The following CADM2 variants were observed in gnomAD, a reference collection of about 807,000 sequenced individuals.
CADM2 encodes the protein immunoglobulin superfamily member 4D.
Under a neutral mutation model 49.8 loss-of-function variants are expected in CADM2, and 12 were observed. The ratio of observed to expected loss-of-function variants is 0.24; its 90% confidence interval spans 0.15 to 0.39. The LOEUF is 0.39. CADM2 is among the 10% of genes least tolerant of loss of function. The pLI is 1.00. For missense variants in CADM2, 378 were observed against 492.3 expected (o/e 0.77, Z 2.20); for synonymous variants, 214 against 175.4 (o/e 1.22, Z -1.74).
intron 1 of CADM2, among the ~76,000 whole-genome samples, chr3:85,302,039 A>G: frequency 6.6e-6 from 1 of 152,112 alleles, no homozygotes; most frequent in East Asian, 1.9e-4. Flanking sequence ...AGATGTGATG[A>G]TATCAGACTG....
chr3:85,437,045 C>G (rs2036963429), intron 1 of CADM2, among the ~76,000 whole-genome samples: 1 of 149,456 alleles, frequency 6.7e-6, no homozygotes, highest in South Asian at 2.1e-4. Context: ...GATCTTTTTA[C>G]TACTGTCTTT....
At chr3:86,017,152 A>ATGTG (rs199834839) in intron 8 of CADM2, among the ~76,000 whole-genome samples, 7 of 135,340 alleles carry the variant, frequency 5.2e-5, no homozygotes, top group East Asian at 4.2e-4. Context: ...GTGTATATAT[A>ATGTG]TGTGTGTGTG....
intron 6 of CADM2, among the ~76,000 whole-genome samples, chr3:85,914,103 G>A (rs1460863903): frequency 7.9e-5 from 12 of 152,084 alleles, no homozygotes; most frequent in Admixed American, 6.6e-4. Context: ...TCTTAGTTTA[G>A]TAGTTATTGA....
chr3:85,338,033 C>T (rs2045137629), intron 1 of CADM2, among the ~76,000 whole-genome samples: 1 of 151,682 alleles, frequency 6.6e-6, no homozygotes, highest in Non-Finnish European at 1.5e-5. Flanking sequence ...CCATCAGCGC[C>T]TCTGCCTATG....
At chr3:85,751,603 A>C (rs1008812822) in intron 2 of CADM2, among the ~76,000 whole-genome samples, 5 of 152,134 alleles carry the variant, frequency 3.3e-5, no homozygotes, top group Non-Finnish European at 4.4e-5. Flanking sequence ...ACATCCATTT[A>C]GGTTCTTTGA....
At chr3:85,199,473 A>AT (rs1030692598) in intron 1 of CADM2, among the ~76,000 whole-genome samples, 4 of 144,046 alleles carry the variant, frequency 2.8e-5, no homozygotes, top group Non-Finnish European at 3.0e-5. Flanking sequence ...TAATTTCAAA[A>AT]TTTTTTTTTT....
At chr3:85,656,035 C>T (rs1467415300) in intron 1 of CADM2, among the ~76,000 whole-genome samples, 2 of 151,910 alleles carry the variant, frequency 1.3e-5, no homozygotes, top group African/African-American at 2.4e-5. Flanking sequence ...ACTCCATTCC[C>T]TGTCACATCT....
chr3:85,139,610 T>A (rs2039516552), intron 1 of CADM2, among the ~76,000 whole-genome samples: 1 of 152,114 alleles, frequency 6.6e-6, no homozygotes, highest in Non-Finnish European at 1.5e-5. Context: ...ATGTAGATTT[T>A]ATTTATAAGA....
chr3:85,430,275 C>T (rs1419570870), intron 1 of CADM2, among the ~76,000 whole-genome samples: 2 of 151,980 alleles, frequency 1.3e-5, no homozygotes, highest in South Asian at 2.1e-4. Flanking sequence ...AAAATCCTCC[C>T]GTGGAAAAAT....
At position 85,449,264 on chromosome 3, in the gene CADM2, A is replaced by G. The variant is rs562256058; in HGVS notation, c.62-277258A>G. 1.2e-3 allele frequency among the ~76,000 whole-genome samples: 175 copies of G among 151,898 alleles called. 2 individuals are homozygous for G. The Middle Eastern group carries it at 0.014, about 12-fold the overall frequency. On this transcript the variant is annotated intron_variant, in intron 1 of 9. Transcript: ENST00000383699. ...AAAGCATTATAGAATTTCATGGAAT[A>G]TAAAATTGGTCTATGGGGTCTAGAT...
At chr3:84,985,488 T>A (rs1490671330) in intron 1 of CADM2, among the ~76,000 whole-genome samples, 2 of 152,060 alleles carry the variant, frequency 1.3e-5, no homozygotes, top group Non-Finnish European at 2.9e-5. Context: ...TATACAAAAT[T>A]TTGGTTTGTA....
At position 85,279,376 on chromosome 3, in the gene CADM2, CTT is replaced by C. The variant is rs2043444284; in HGVS notation, c.61+319711_61+319712del. On this transcript the variant is annotated intron_variant, in intron 1 of 9. Coordinates refer to ENST00000383699, the MANE Select transcript of CADM2 (RefSeq NM_001167675.2). ...TTAAAGAAAACATTTCTTGAAAATG[CTT>C]TTATTAATCATCAAAATACCATGAT... is the stretch of plus-strand genomic sequence containing the variant. Among the ~76,000 whole-genome samples the C allele has an allele frequency of 2.0e-5, 3 of 151,472 alleles. No individual in the cohort carries two copies. In the South Asian group the frequency reaches 6.2e-4, roughly 31 times the overall value.
At position 85,370,260 on chromosome 3, in the gene CADM2, A is replaced by AAT. The variant is rs1559804784; in HGVS notation, c.62-356261_62-356260dup. Among the ~76,000 whole-genome samples, 43 of 105,584 alleles carry AAT rather than the reference A, an allele frequency of 4.1e-4. No individual in the cohort carries two copies. The South Asian group carries it at 1.0e-2, about 25-fold the overall frequency. 69.3% of individuals were successfully genotyped at this position (105,584 alleles called of 152,430 possible). On this transcript the variant is annotated intron_variant, in intron 1 of 9. Transcript: ENST00000383699. ...ATAATAATAATAATAATAATAATAAAATTTTAAAAAATAACTTGGTGTGGT... is the reference window on the plus strand; with the variant it reads ...ATAATAATAATAATAATAATAATAAAATATTTTAAAAAATAACTTGGTGTGGT...
At chr3:85,184,868 TAGG>T in intron 1 of CADM2, among the ~76,000 whole-genome samples, 1 of 152,218 alleles carries the variant, frequency 6.6e-6, no homozygotes, top group Admixed American at 6.6e-5. Flanking sequence ...TCTTCACTGT[TAGG>T]GGGATAAACT....
chr3:85,618,842 G>A (rs2063879798), intron 1 of CADM2, among the ~76,000 whole-genome samples: 1 of 151,550 alleles, frequency 6.6e-6, no homozygotes, highest in Non-Finnish European at 1.5e-5. Flanking sequence ...CTTACTTATT[G>A]CCAATATTTG....
intron 8 of CADM2, among the ~76,000 whole-genome samples, chr3:86,017,443 A>G (rs1351843191): frequency 6.6e-6 from 1 of 152,014 alleles, no homozygotes; most frequent in East Asian, 1.9e-4. Context: ...GAAGAAAAGT[A>G]TTTTTTGGCT....
intron 8 of CADM2, among the ~76,000 whole-genome samples, chr3:86,005,408 G>A (rs1730660498): frequency 6.6e-6 from 1 of 151,958 alleles, no homozygotes; most frequent in Non-Finnish European, 1.5e-5. Context: ...AAAGTTAGCA[G>A]AGAGTGGTGA....
rs182741723 is a variant in CADM2 at position 85,802,271 on chromosome 3, A to G, written c.238+75A>G. ...ATTACAATAAATTTATTTTTCTGAGATGATTCAAACTATTCCTTTTGATTA... is the reference window on the plus strand; with the variant it reads ...ATTACAATAAATTTATTTTTCTGAGGTGATTCAAACTATTCCTTTTGATTA... On this transcript the variant is annotated intron_variant, in intron 3 of 9. Coordinates refer to ENST00000383699, the MANE Select transcript of CADM2 (RefSeq NM_001167675.2). The G allele has an allele frequency of 2.2e-4, 291 of 1,328,434 alleles. 4 individuals are homozygous for G. The East Asian group carries it at 7.5e-3, about 34-fold the overall frequency. 82.3% of individuals were successfully genotyped at this position (1,328,434 alleles called of 1,614,324 possible).
chr3:85,836,721 C>T (rs978838155), intron 3 of CADM2, among the ~76,000 whole-genome samples: 1 of 151,590 alleles, frequency 6.6e-6, no homozygotes, highest in African/African-American at 2.4e-5. Flanking sequence ...GACAATCCCT[C>T]CTGCATGACT....
Sources: allele counts gnomAD v4.1 joint callset (sites outside exome capture counted in the v4.1 genomes callset), GRCh38; gene constraint gnomAD v4.1.1; transcripts MANE v1.5; gene names NCBI Gene and HGNC (gene_info 2026-07-23, HGNC 2026-07-21).